The following FRMD6 variants were observed in gnomAD, a reference collection of about 807,000 sequenced individuals.
FRMD6 encodes the protein FERM domain-containing protein 6.
FRMD6 carries 37 observed loss-of-function variants against 73.2 expected under a neutral mutation model. That is an observed-to-expected ratio of 0.51 (90% CI 0.39 to 0.66). The LOEUF is 0.66. Among genes scored for constraint, FRMD6 ranks in the 30% least tolerant of loss-of-function variants. FRMD6 has a pLI of 0.00. For missense variants in FRMD6, 714 were observed against 780.5 expected, an observed-to-expected ratio of 0.91 and a Z score of 1.02; for synonymous variants, 273 against 282.2, an observed-to-expected ratio of 0.97 and a Z score of 0.33.
At chr14:51,460,696 G>T in the FRMD6 span, among the ~76,000 whole-genome samples, 1 of 152,172 alleles carries the variant, frequency 6.6e-6, no homozygotes, top group Admixed American at 6.5e-5. Context: ...TAAATTATTA[G>T]TAAGAGCAAG....
At chr14:51,687,795 G>A (rs926987735) in intron 1 of FRMD6, among the ~76,000 whole-genome samples, 10 of 151,996 alleles carry the variant, frequency 6.6e-5, no homozygotes, top group African/African-American at 2.2e-4. Context: ...CAATGTTGAG[G>A]ACCTTTTTTT....
rs908476749 is a variant in FRMD6, at chr14:51,496,967, CT to C, written c.-210+7548del. On this transcript the variant is annotated intron_variant, in intron 1 of 14. Transcript: ENST00000356218. Reference sequence around the variant, plus strand: ...CTTCCAACATAGCATATCCTGCCCCCTGTTCATTTCCTCTAAATTATACTTA... The same window carrying C: ...CTTCCAACATAGCATATCCTGCCCCCGTTCATTTCCTCTAAATTATACTTA... 2.8e-4 allele frequency among the ~76,000 whole-genome samples: 43 copies of C among 152,190 alleles called. 1 individual carries two copies. Among genetic ancestry groups the C allele is most frequent in the Non-Finnish European group, 7.4e-5 (5 of 68,022 alleles).
chr14:51,596,910 GCT>G (rs1889749530), intron 2 of FRMD6, among the ~76,000 whole-genome samples: 2 of 152,170 alleles, frequency 1.3e-5, no homozygotes, highest in African/African-American at 4.8e-5. Flanking sequence ...CAGATCTGCT[GCT>G]CTGTTGTTGC....
rs201428653 is a variant in FRMD6 at position 51,559,480 on chromosome 14, T to TG, written c.-209-10868_-209-10867insG. ...TGGTATATTCCACGTTACTTTTTTT[T>TG]TTTTTTTTTTTTTTAAGCAAGCCTT... On this transcript the variant is annotated intron_variant, in intron 1 of 14. Coordinates refer to the FRMD6 transcript ENST00000356218. 1.7e-3 allele frequency among the ~76,000 whole-genome samples: 248 copies of TG among 150,176 alleles called. 1 individual carries two copies. In the East Asian group the frequency reaches 0.02, roughly 12 times the overall value.
chr14:51,588,443 A>G (rs1275994591), intron 2 of FRMD6, among the ~76,000 whole-genome samples: 3 of 152,178 alleles, frequency 2.0e-5, no homozygotes, highest in Non-Finnish European at 4.4e-5. Flanking sequence ...TTTAAAAGAA[A>G]AATAGGTGTT....
At chr14:51,413,731 C>T in the FRMD6 span, among the ~76,000 whole-genome samples, 1 of 152,310 alleles carries the variant, frequency 6.6e-6, no homozygotes, top group Non-Finnish European at 1.5e-5. Context: ...GAGGAATCGC[C>T]ACACTGTCTT....
chr14:51,726,546 T>C (rs1330200514), intron 13 of FRMD6, among the ~76,000 whole-genome samples: 1 of 152,214 alleles, frequency 6.6e-6, no homozygotes, highest in Non-Finnish European at 1.5e-5. Flanking sequence ...TTTCCTCCCT[T>C]TTTTCTCATT....
intron 1 of FRMD6, among the ~76,000 whole-genome samples, chr14:51,686,663 G>A (rs935565002): frequency 3.3e-5 from 5 of 151,982 alleles, no homozygotes; most frequent in South Asian, 4.1e-4. Flanking sequence ...TCTACCCTTC[G>A]AAGATAATAG....
At chr14:51,605,605 C>T (rs553502053) in intron 2 of FRMD6, among the ~76,000 whole-genome samples, 2 of 152,152 alleles carry the variant, frequency 1.3e-5, no homozygotes, top group South Asian at 4.2e-4. Flanking sequence ...AGAATATATA[C>T]CTTAAAAGGC....
chr14:51,712,843 C>T (rs910217919), intron 9 of FRMD6, among the ~76,000 whole-genome samples: 6 of 152,052 alleles, frequency 3.9e-5, no homozygotes, highest in Non-Finnish European at 8.8e-5. Context: ...AGCACATGAC[C>T]CTAAGTTATT....
chr14:51,469,618 G>GAAAAAAAAAAAAAAAAAAA, the FRMD6 span, among the ~76,000 whole-genome samples: 1 of 96,762 alleles, frequency 1.0e-5, no homozygotes, highest in Non-Finnish European at 2.1e-5. Context: ...ATTTCAAAAA[G>GAAAAAAAAAAAAAAAAAAA]AAAAAAAAAA....
At chr14:51,480,511 T>C in the FRMD6 span, among the ~76,000 whole-genome samples, 1 of 152,256 alleles carries the variant, frequency 6.6e-6, no homozygotes, top group South Asian at 2.1e-4. Flanking sequence ...AAACATTGGT[T>C]TTAAAATTCC....
the FRMD6 span, chr14:51,436,785 A>G: frequency 1.8e-6 from 1 of 541,564 alleles, no homozygotes; most frequent in Non-Finnish European, 3.4e-6. Context: ...GATGATGAAG[A>G]TGAAGAAGGA....
chr14:51,683,174 T>G (rs1176098993), intron 1 of FRMD6, among the ~76,000 whole-genome samples: 1 of 152,270 alleles, frequency 6.6e-6, no homozygotes. Flanking sequence ...GCTCATTTGC[T>G]ACATCTGGCT....
At chr14:51,704,686 C>T (rs1363219505) in intron 5 of FRMD6, 63 bp from the exon 6 acceptor site, 2 of 1,369,896 alleles carry the variant, frequency 1.5e-6, no homozygotes, top group African/African-American at 2.9e-5. Flanking sequence ...GATTTGGGTT[C>T]TGTTTACATG....
upstream of FRMD6, chr14:51,651,826 G>A: frequency 1.5e-5 from 2 of 132,562 alleles, no homozygotes; most frequent in South Asian, 2.7e-4. Flanking sequence ...CGGGGATTCG[G>A]GGGGGCGGGT....
the FRMD6 span, among the ~76,000 whole-genome samples, chr14:51,473,484 G>A: frequency 1.3e-5 from 2 of 152,174 alleles, no homozygotes; most frequent in Middle Eastern, 3.2e-3. Flanking sequence ...AAGTGAGCAC[G>A]ACTCTTTATG....
upstream of FRMD6, among the ~76,000 whole-genome samples, chr14:51,485,210 C>T (rs780055116): frequency 1.3e-5 from 2 of 152,202 alleles, no homozygotes; most frequent in Non-Finnish European, 2.9e-5. Flanking sequence ...ATGGGGATGC[C>T]TCCACGGCCT....
intron 1 of FRMD6, among the ~76,000 whole-genome samples, chr14:51,567,690 C>T (rs1887850806): frequency 6.6e-6 from 1 of 152,226 alleles, no homozygotes. Flanking sequence ...GCCTTAATCA[C>T]ATCCTTCTTA....
Sources: gnomAD v4.1 joint callset for allele counts (sites outside exome capture counted in the v4.1 genomes callset) on GRCh38, gnomAD v4.1.1 for gene constraint, MANE v1.5 for transcripts, NCBI Gene and HGNC (gene_info 2026-07-23, HGNC 2026-07-21) for gene names.